WWOX: variants seen among roughly 807,000 people sequenced by gnomAD.
WWOX encodes WW domain-containing oxidoreductase.
WWOX carries 69 observed loss-of-function variants against 46.2 expected under a neutral mutation model. The ratio of observed to expected loss-of-function variants is 1.49; its 90% CI spans 1.23 to 1.82. WWOX has a LOEUF of 1.82. Ranked by LOEUF, WWOX falls within the 40% of genes most tolerant of loss-of-function variation. The probability of loss-of-function intolerance (pLI) is 0.00; values close to 1 mark genes in which losing one functional copy is unlikely to be tolerated. For synonymous variants in WWOX, 359 were observed against 202.6 expected, an observed-to-expected ratio of 1.77 and a Z score of -6.56; for missense variants, 919 against 542.6, an observed-to-expected ratio of 1.69 and a Z score of -6.89.
At chr16:78,526,549 C>T (rs773229345) in intron 8 of WWOX, 1 of 152,222 alleles carries the variant, frequency 6.6e-6, no homozygotes, top group Non-Finnish European at 1.5e-5. Flanking sequence ...GGCCCAACAC[C>T]TGAATCTAGG....
chr16:78,698,479 T>C (rs2048146141), intron 8 of WWOX, among the ~76,000 whole-genome samples: 1 of 152,246 alleles, frequency 6.6e-6, no homozygotes, highest in Admixed American at 6.5e-5. Context: ...GCATTTCTTA[T>C]TATTCTGTTT....
At chr16:79,169,143 T>C (rs999936759) in intron 8 of WWOX, among the ~76,000 whole-genome samples, 1 of 152,204 alleles carries the variant, frequency 6.6e-6, no homozygotes, top group African/African-American at 2.4e-5. Flanking sequence ...ATTTGGCCCA[T>C]GGTAGAGAGG....
intron 5 of WWOX, among the ~76,000 whole-genome samples, chr16:78,352,607 C>G (rs551986634): frequency 2.0e-4 from 30 of 152,174 alleles, no homozygotes; most frequent in Middle Eastern, 3.2e-3. Flanking sequence ...CCCTGATAAT[C>G]TGGGATAATC....
chr16:78,265,400 G>A (rs887483618), intron 5 of WWOX, among the ~76,000 whole-genome samples: 2 of 152,140 alleles, frequency 1.3e-5, no homozygotes, highest in Non-Finnish European at 2.9e-5. Flanking sequence ...TCTTGGAACG[G>A]GCAGGCGTGG....
chr16:78,559,908 C>T (rs1039333156), intron 8 of WWOX, among the ~76,000 whole-genome samples: 35 of 152,304 alleles, frequency 2.3e-4, no homozygotes, highest in African/African-American at 7.5e-4. Context: ...GCTTACAATC[C>T]GTTGCAGAAA....
intron 8 of WWOX, among the ~76,000 whole-genome samples, chr16:78,987,373 T>C (rs1334878271): frequency 6.6e-6 from 1 of 152,212 alleles, no homozygotes; most frequent in East Asian, 1.9e-4. Flanking sequence ...AATTTAAGAA[T>C]ATTTTCCTAG....
intron 5 of WWOX, among the ~76,000 whole-genome samples, chr16:78,261,728 C>A: frequency 7.1e-6 from 1 of 141,444 alleles, no homozygotes; most frequent in Non-Finnish European, 1.5e-5. Context: ...TATGTGGGCC[C>A]ATTTGCCATG....
chr16:78,679,003 C>G (rs994633923), intron 8 of WWOX, among the ~76,000 whole-genome samples: 11 of 152,116 alleles, frequency 7.2e-5, no homozygotes, highest in Non-Finnish European at 1.5e-4. Context: ...CATATTGCCC[C>G]CAGTGGAGAG....
intron 8 of WWOX, among the ~76,000 whole-genome samples, chr16:79,090,241 A>G (rs1197826129): frequency 6.6e-6 from 1 of 150,956 alleles, no homozygotes; most frequent in Non-Finnish European, 1.5e-5. Flanking sequence ...TTAAGATGCT[A>G]GCCTCGTGGG....
Position 78,730,621 on chromosome 16 carries a change from T to A in WWOX, c.1056+297869T>A, listed in dbSNP as rs939406149. ...TGCATGCCACCACGCCCGGCAATTT[T>A]TTTTTTTTTTTTTTTTTAAGTAGAG... On this transcript the variant is annotated intron_variant, in intron 8 of 8. Transcript: ENST00000566780. Among the ~76,000 whole-genome samples the A allele has an allele frequency of 1.8e-3, 241 of 130,522 alleles. 1 individual carries two copies. The highest frequency in any genetic ancestry group is 1.0e-2 in the African/African-American group (231 of 23,168). The allele number at this position is 130,522 out of a possible 152,430, so 85.6% of individuals were successfully genotyped here. A position where few individuals can be genotyped will look rare whatever the true frequency, so the allele number is the denominator to read the frequency against.
At chr16:78,869,375 C>G (rs1005798778) in intron 8 of WWOX, among the ~76,000 whole-genome samples, 1 of 152,144 alleles carries the variant, frequency 6.6e-6, no homozygotes, top group African/African-American at 2.4e-5. Context: ...ACCTGTTTTT[C>G]CTACTCAAAA....
chr16:79,131,488 A>G (rs2049877501), intron 8 of WWOX, among the ~76,000 whole-genome samples: 1 of 152,148 alleles, frequency 6.6e-6, no homozygotes, highest in African/African-American at 2.4e-5. Context: ...AATGTTAAGC[A>G]ATACCCCTGA....
intron 8 of WWOX, among the ~76,000 whole-genome samples, chr16:79,006,409 C>T (rs186948353): frequency 9.2e-5 from 14 of 152,136 alleles, no homozygotes; most frequent in Non-Finnish European, 4.4e-5. Flanking sequence ...ATGGGGTTAG[C>T]CTAACAAGGG....
intron 5 of WWOX, among the ~76,000 whole-genome samples, chr16:78,302,711 C>T (rs991435826): frequency 1.3e-5 from 2 of 152,150 alleles, no homozygotes; most frequent in Non-Finnish European, 2.9e-5. Context: ...CCTTCTCAGT[C>T]GAAGCAGCTT....
intron 8 of WWOX, among the ~76,000 whole-genome samples, chr16:79,116,689 C>T (rs139131342): frequency 5.3e-5 from 8 of 152,018 alleles, no homozygotes; most frequent in African/African-American, 1.9e-4. Flanking sequence ...AACTTTTGAA[C>T]CCCTCAGAGT....
chr16:78,935,462 G>A (rs1342010013), intron 8 of WWOX, among the ~76,000 whole-genome samples: 6 of 152,078 alleles, frequency 3.9e-5, no homozygotes, highest in Admixed American at 3.3e-4. Flanking sequence ...GTAGGGACAT[G>A]GATGAAGCTG....
intron 8 of WWOX, among the ~76,000 whole-genome samples, chr16:78,902,242 C>A (rs564371051): frequency 2.0e-5 from 3 of 152,202 alleles, no homozygotes; most frequent in Admixed American, 6.5e-5. Flanking sequence ...AGCCTGGTTA[C>A]TTTGCCACCA....
chr16:78,424,351 C>A (rs1049017914), intron 6 of WWOX, among the ~76,000 whole-genome samples: 1 of 152,068 alleles, frequency 6.6e-6, no homozygotes, highest in African/African-American at 2.4e-5. Flanking sequence ...AACTCCTGAC[C>A]TAAAATGGTC....
intron 7 of WWOX, among the ~76,000 whole-genome samples, chr16:78,428,275 A>G (rs9939288): frequency 0.2 from 29,734 of 152,194 alleles, 4,157 homozygotes; most frequent in African/African-American, 0.38. Flanking sequence ...AGCAGCATCT[A>G]AAGAGTTGTT....
Sources: gnomAD v4.1 joint callset for allele counts (sites outside exome capture counted in the v4.1 genomes callset) on GRCh38, gnomAD v4.1.1 for gene constraint, MANE v1.5 for transcripts, NCBI Gene and HGNC (gene_info 2026-07-23, HGNC 2026-07-21) for gene names.